EBF4: variants seen among roughly 807,000 people sequenced by gnomAD.
The protein encoded by EBF4 is EBF transcription factor 4, also known as transcription factor COE4.
Under a neutral mutation model 67.1 loss-of-function variants are expected in EBF4, and 34 were observed. The observed-to-expected ratio is 0.51, with a 90% CI of 0.39 to 0.67. The LOEUF (loss-of-function observed/expected upper bound fraction) is 0.67. EBF4 is among the 30% of genes least tolerant of loss of function. The pLI is 0.00. For missense variants in EBF4, 837 were observed against 873.3 expected, an observed-to-expected ratio of 0.96 and a Z score of 0.52; for synonymous variants, 387 against 377.7, an observed-to-expected ratio of 1.02 and a Z score of -0.29.
chr20:2,721,246 C>CTTTT (rs146844927), intron 6 of EBF4, among the ~76,000 whole-genome samples: 5 of 108,034 alleles, frequency 4.6e-5, no homozygotes, highest in African/African-American at 6.8e-5. Flanking sequence ...TGATTCTCTT[C>CTTTT]TTTTTTTTTT....
chr20:2,752,755 C>G (rs983246478), intron 14 of EBF4, among the ~76,000 whole-genome samples: 2 of 152,244 alleles, frequency 1.3e-5, no homozygotes, highest in Admixed American at 6.5e-5. Flanking sequence ...TCCCGGGGTC[C>G]TGGGGCCAGA....
At chr20:2,725,929 C>T (rs941691056) in intron 6 of EBF4, among the ~76,000 whole-genome samples, 2 of 152,150 alleles carry the variant, frequency 1.3e-5, no homozygotes, top group African/African-American at 4.8e-5. Flanking sequence ...TGGCAATTTC[C>T]CTTACCGTTT....
At chr20:2,709,328 A>G (rs775520220) in intron 5 of EBF4, among the ~76,000 whole-genome samples, 8 of 152,110 alleles carry the variant, frequency 5.3e-5, no homozygotes, top group Non-Finnish European at 5.9e-5. Context: ...TCCAGGAACG[A>G]GGTGCCTTTG....
chr20:2,749,585 CG>C, intron 8 of EBF4, 34 bp from the exon 9 acceptor site: 1 of 1,548,442 alleles, frequency 6.5e-7, no homozygotes. Context: ...CACCTCAGCG[CG>C]GTCCCCTGAC....
At chr20:2,729,412 C>T (rs904146242) in intron 6 of EBF4, among the ~76,000 whole-genome samples, 1 of 152,208 alleles carries the variant, frequency 6.6e-6, no homozygotes, top group East Asian at 1.9e-4. Context: ...CTTTCCCCAG[C>T]CTCTTGCTGA....
chr20:2,698,642 A>G (rs1241496998), intron 1 of EBF4, among the ~76,000 whole-genome samples: 2 of 151,828 alleles, frequency 1.3e-5, no homozygotes, highest in African/African-American at 2.4e-5. Flanking sequence ...GCAGAGAGAG[A>G]CTTTGGGGAA....
rs116723201 is a variant in EBF4, at chr20:2,747,897, C to T, written c.558-652C>T. Among the ~76,000 whole-genome samples, 329 of 152,134 alleles carry T rather than the reference C, an allele frequency of 2.2e-3. 1 individual carries two copies. Among genetic ancestry groups the T allele is most frequent in the African/African-American group, 7.5e-3 (311 of 41,466 alleles). On this transcript the variant is annotated intron_variant, in intron 6 of 16. Transcript: ENST00000609451. This position sits in a 1 kb window ranked among gnomAD's most constrained non-coding sequence, Gnocchi z 4.6. ...ATGAGTGCAGGCTATATGTGGAGTACATGTTGTTTATGCTTGTGTGAAGGT... is the reference window on the plus strand; with the variant it reads ...ATGAGTGCAGGCTATATGTGGAGTATATGTTGTTTATGCTTGTGTGAAGGT...
At chr20:2,697,327 C>T (rs951546304) in intron 1 of EBF4, among the ~76,000 whole-genome samples, 8 of 151,968 alleles carry the variant, frequency 5.3e-5, no homozygotes, top group African/African-American at 9.7e-5. Flanking sequence ...AGGCAGATCA[C>T]GAGGTCAGGA....
intron 4 of EBF4, 50 bp downstream of exon 4, chr20:2,706,314 C>G (rs1445145180): frequency 6.5e-7 from 1 of 1,546,840 alleles, no homozygotes; most frequent in African/African-American, 1.4e-5. Context: ...CTTCCCGGAC[C>G]CTGCCTCCCC....
At chr20:2,749,311 C>A in intron 7 of EBF4, 90 bp from the exon 8 acceptor site, 2 of 977,224 alleles carry the variant, frequency 2.0e-6, no homozygotes, top group Non-Finnish European at 3.0e-6. Flanking sequence ...AGCATCCAAC[C>A]ACCAGCCTCA....
chr20:2,750,947 C>G (rs1162646221), intron 10 of EBF4, among the ~76,000 whole-genome samples: 2 of 152,096 alleles, frequency 1.3e-5, no homozygotes, highest in Admixed American at 1.3e-4. Flanking sequence ...AAGTCAGGAT[C>G]AGAGGTGAAG....
chr20:2,694,228 G>C (rs561812302), intron 1 of EBF4, among the ~76,000 whole-genome samples: 8 of 152,262 alleles, frequency 5.3e-5, no homozygotes, highest in South Asian at 2.1e-4. Flanking sequence ...CCTTTCCCAC[G>C]CCCCTCAGAG....
intron 1 of EBF4, among the ~76,000 whole-genome samples, chr20:2,700,699 T>C (rs2087361931): frequency 6.8e-6 from 1 of 146,122 alleles, no homozygotes; most frequent in East Asian, 1.9e-4. Flanking sequence ...GGGTTTGTTT[T>C]CTCATTACAA....
intron 6 of EBF4, among the ~76,000 whole-genome samples, chr20:2,733,305 C>T (rs1206430785): frequency 6.6e-6 from 1 of 150,716 alleles, no homozygotes; most frequent in Admixed American, 6.6e-5. Context: ...CGAGTTACTT[C>T]TCTCTCTCTC....
In EBF4 at chr20:2,752,450, G is replaced by C; in HGVS notation, c.1445G>C (p.Gly482Ala). 5 of 1,276,340 alleles carry C rather than the reference G, an allele frequency of 3.9e-6. 2 individuals are homozygous for C. The South Asian group carries it at 1.3e-4, about 34-fold the overall frequency. 79.1% of individuals were successfully genotyped at this position (1,276,340 alleles called of 1,614,324 possible). ...GGCTACGGCGGCGGCCTCGGAGCTG[G>C]CCTGGGCGGCTACGGCGCGCCGGGC... Residue 482 changes from glycine to alanine, a missense_variant, in exon 14 of 17, where the codon GGC (glycine) becomes GCC (alanine). Transcript: ENST00000609451.
chr20:2,737,118 CGGG>C (rs2087894746), intron 6 of EBF4, among the ~76,000 whole-genome samples: 1 of 151,738 alleles, frequency 6.6e-6, no homozygotes, highest in African/African-American at 2.4e-5. Context: ...GGCGTGGTGG[CGGG>C]CGCCTGTAGT....
intron 6 of EBF4, among the ~76,000 whole-genome samples, chr20:2,742,110 C>T (rs1009974308): frequency 1.3e-5 from 2 of 152,172 alleles, no homozygotes; most frequent in Non-Finnish European, 2.9e-5. Flanking sequence ...CAGCCTGGGT[C>T]GGACTCTGAG....
chr20:2,709,739 A>T lies in EBF4; in HGVS notation c.557+97A>T, dbSNP rs919488118. 36 of 1,242,816 alleles carry T rather than the reference A, an allele frequency of 2.9e-5. No homozygotes were observed. In the Admixed American group the frequency reaches 9.9e-4, roughly 34 times the overall value. The allele number at this position is 1,242,816 out of a possible 1,614,324, so 77.0% of individuals were successfully genotyped here. Reference sequence around the variant, plus strand: ...GCACCAAGGCTCAAGGGAGGAGCGGAGCAGCCCCCCCGGGGCACCAGGTTG... The same window carrying T: ...GCACCAAGGCTCAAGGGAGGAGCGGTGCAGCCCCCCCGGGGCACCAGGTTG... On this transcript the variant is annotated intron_variant, in intron 6 of 16. Transcript: ENST00000609451.
intron 14 of EBF4, 100 bp downstream of exon 14, chr20:2,752,645 C>T (rs1388763394): frequency 2.9e-6 from 3 of 1,043,648 alleles, no homozygotes; most frequent in Admixed American, 4.4e-5. Flanking sequence ...GCGCCGGCGC[C>T]GTGAGAGTCG....
Sources: allele counts gnomAD v4.1 joint callset (sites outside exome capture counted in the v4.1 genomes callset), GRCh38; gene constraint gnomAD v4.1.1; non-coding constraint Gnocchi (gnomAD v3.1); transcripts MANE v1.5; gene names NCBI Gene and HGNC (gene_info 2026-07-23, HGNC 2026-07-21).